CACNA2D3: variants seen among roughly 807,000 people sequenced by gnomAD.
CACNA2D3 encodes voltage-dependent calcium channel subunit alpha-2/delta-3.
A neutral mutation model predicts 160.6 loss-of-function variants in CACNA2D3; 60 were observed. The ratio of observed to expected loss-of-function variants is 0.37; its 90% CI spans 0.30 to 0.46. The LOEUF is 0.46. CACNA2D3 is among the 20% of genes least tolerant of loss of function. The probability of loss-of-function intolerance (pLI) is 1.00; values close to 1 mark genes in which losing one functional copy is unlikely to be tolerated. For missense variants in CACNA2D3, 1,205 were observed against 1,365.0 expected (o/e 0.88, Z 1.85); for synonymous variants, 558 against 492.9 (o/e 1.13, Z -1.75).
At chr3:54,429,422 T>G (rs553978401) in intron 4 of CACNA2D3, among the ~76,000 whole-genome samples, 1 of 152,272 alleles carries the variant, frequency 6.6e-6, no homozygotes, top group South Asian at 2.1e-4. Context: ...CTCGTAATTT[T>G]CAAATGGCAA....
intron 27 of CACNA2D3, chr3:54,925,222 C>T (rs1231506987): frequency 1.2e-6 from 2 of 1,603,062 alleles, no homozygotes; most frequent in East Asian, 2.2e-5. Flanking sequence ...TCACCTACAA[C>T]AAACAGAAAG....
intron 14 of CACNA2D3, among the ~76,000 whole-genome samples, chr3:54,818,868 G>C (rs1222019472): frequency 6.6e-6 from 1 of 152,210 alleles, no homozygotes; most frequent in Non-Finnish European, 1.5e-5. Flanking sequence ...CATGGTTTCA[G>C]AACACTTTGG....
intron 29 of CACNA2D3, among the ~76,000 whole-genome samples, chr3:54,970,759 T>C (rs1463254654): frequency 6.6e-6 from 1 of 151,388 alleles, no homozygotes. Context: ...TGCCATCCCA[T>C]ACCCTCTGCC....
At chr3:54,960,954 T>C (rs1032407480) in intron 27 of CACNA2D3, among the ~76,000 whole-genome samples, 1 of 152,232 alleles carries the variant, frequency 6.6e-6, no homozygotes, top group African/African-American at 2.4e-5. Flanking sequence ...GTTATTTTCC[T>C]TGATGCTCCA....
chr3:54,944,423 T>TTTAG (rs1701557034), intron 27 of CACNA2D3, among the ~76,000 whole-genome samples: 1 of 148,400 alleles, frequency 6.7e-6, no homozygotes, highest in Non-Finnish European at 1.5e-5. Flanking sequence ...TATTTATTTA[T>TTTAG]TTATTTATTT....
chr3:54,546,708 A>ACG (rs758860984), intron 5 of CACNA2D3, among the ~76,000 whole-genome samples: 4 of 31,814 alleles, frequency 1.3e-4, no homozygotes, highest in East Asian at 7.2e-4. Flanking sequence ...GCACACACAC[A>ACG]CGCGCGCACA....
chr3:54,314,825 A>G (rs1703826210), intron 2 of CACNA2D3, among the ~76,000 whole-genome samples: 1 of 152,190 alleles, frequency 6.6e-6, no homozygotes, highest in Non-Finnish European at 1.5e-5. Flanking sequence ...AGAACAAACA[A>G]ATGGAGTGCT....
intron 2 of CACNA2D3, among the ~76,000 whole-genome samples, chr3:54,202,895 T>C (rs1701203871): frequency 6.6e-6 from 1 of 152,202 alleles, no homozygotes; most frequent in African/African-American, 2.4e-5. Context: ...AATTCTGCTG[T>C]CAAGCAAGGC....
intron 5 of CACNA2D3, among the ~76,000 whole-genome samples, chr3:54,544,860 A>C (rs538924138): frequency 6.6e-6 from 1 of 152,358 alleles, no homozygotes; most frequent in African/African-American, 2.4e-5. Flanking sequence ...TTAAATTGAC[A>C]TGTCCATTAA....
intron 31 of CACNA2D3, among the ~76,000 whole-genome samples, chr3:54,999,931 G>A (rs899632017): frequency 3.3e-5 from 5 of 152,190 alleles, no homozygotes; most frequent in African/African-American, 1.2e-4. Flanking sequence ...ATTGCTTTGA[G>A]TTGTTTCTTC....
At chr3:54,301,302 GA>G (rs58651715) in intron 2 of CACNA2D3, among the ~76,000 whole-genome samples, 2,636 of 141,126 alleles carry the variant, frequency 0.019, 72 homozygotes, top group African/African-American at 0.061. Context: ...ACAAAAGACA[GA>G]AAAAAAAAAA....
chr3:54,464,456 C>A (rs1160540424), intron 4 of CACNA2D3, among the ~76,000 whole-genome samples: 2 of 152,238 alleles, frequency 1.3e-5, no homozygotes, highest in African/African-American at 4.8e-5. Flanking sequence ...TGCTTTGTTT[C>A]CCTAAGCAAG....
At chr3:54,317,391 A>G (rs1703887208) in intron 2 of CACNA2D3, among the ~76,000 whole-genome samples, 1 of 152,128 alleles carries the variant, frequency 6.6e-6, no homozygotes, top group Non-Finnish European at 1.5e-5. Flanking sequence ...ACAAGAGAAG[A>G]GTTCTATTTC....
intron 4 of CACNA2D3, among the ~76,000 whole-genome samples, chr3:54,397,588 C>G (rs1449500577): frequency 7.3e-6 from 1 of 136,708 alleles, no homozygotes; most frequent in Non-Finnish European, 1.6e-5. Flanking sequence ...AGTAGTCATT[C>G]AGGAGCAGGT....
intron 3 of CACNA2D3, among the ~76,000 whole-genome samples, chr3:54,377,781 CTATT>C (rs1350957066): frequency 6.6e-6 from 1 of 152,288 alleles, no homozygotes; most frequent in East Asian, 1.9e-4. Flanking sequence ...ACTCAGTTAT[CTATT>C]TATTGGGGTT....
At chr3:54,443,022 C>T (rs1000669208) in intron 4 of CACNA2D3, among the ~76,000 whole-genome samples, 21 of 152,102 alleles carry the variant, frequency 1.4e-4, no homozygotes, top group South Asian at 2.1e-4. Context: ...CTGTTAATAC[C>T]TACCTAGAAG....
chr3:54,159,946 A>AATT (rs1363915562), intron 2 of CACNA2D3, among the ~76,000 whole-genome samples: 2 of 152,206 alleles, frequency 1.3e-5, no homozygotes, highest in African/African-American at 4.8e-5. Context: ...GATAACATAC[A>AATT]ATTATTATTA....
chr3:54,894,684 A>G (rs1339247440), intron 25 of CACNA2D3: 1 of 496,126 alleles, frequency 2.0e-6, no homozygotes, highest in East Asian at 5.8e-5. Context: ...GTAGCAATGC[A>G]TCCTGCCATG....
At chr3:54,412,626 T>TTTTTTTTTTATTAC in intron 4 of CACNA2D3, among the ~76,000 whole-genome samples, 1 of 131,348 alleles carries the variant, frequency 7.6e-6, no homozygotes, top group Admixed American at 7.5e-5. Flanking sequence ...TTTTTTAGTC[T>TTTTTTTTTTATTAC]GACAACCTCT....
Sources: allele counts gnomAD v4.1 joint callset (sites outside exome capture counted in the v4.1 genomes callset), GRCh38; gene constraint gnomAD v4.1.1; transcripts MANE v1.5; gene names NCBI Gene and HGNC (gene_info 2026-07-23, HGNC 2026-07-21).